SLC24A2: variants seen among roughly 807,000 people sequenced by gnomAD.
The protein encoded by SLC24A2 is sodium/potassium/calcium exchanger 2.
In SLC24A2, 36 loss-of-function variants were observed where a neutral mutation model predicts 62.0. That is an observed-to-expected ratio of 0.58 (90% confidence interval 0.44 to 0.77). The LOEUF is 0.77. Ranked by LOEUF, SLC24A2 falls within the 30% of genes least tolerant of loss-of-function variation. The pLI is 0.00. For missense variants in SLC24A2, 846 were observed against 817.9 expected, an observed-to-expected ratio of 1.03 and a Z score of -0.42; for synonymous variants, 358 against 294.0, an observed-to-expected ratio of 1.22 and a Z score of -2.23.
the SLC24A2 span, among the ~76,000 whole-genome samples, chr9:20,291,624 G>C: frequency 6.6e-6 from 1 of 152,162 alleles, no homozygotes; most frequent in Admixed American, 6.5e-5. Flanking sequence ...CCCACCACTT[G>C]TGCATTTGCT....
At chr9:20,218,317 C>G in the SLC24A2 span, among the ~76,000 whole-genome samples, 1 of 152,120 alleles carries the variant, frequency 6.6e-6, no homozygotes, top group Admixed American at 6.6e-5. Flanking sequence ...TAAAAGAACC[C>G]TTGCTATGTT....
chr9:20,205,246 T>C, the SLC24A2 span, among the ~76,000 whole-genome samples: 1 of 152,284 alleles, frequency 6.6e-6, no homozygotes, highest in African/African-American at 2.4e-5. Flanking sequence ...TGATGGGTTT[T>C]TTTTCCTGGA....
the SLC24A2 span, among the ~76,000 whole-genome samples, chr9:20,030,157 C>A: frequency 6.6e-6 from 1 of 152,128 alleles, no homozygotes; most frequent in Admixed American, 6.6e-5. Flanking sequence ...GCACTGGTTC[C>A]CCAGGACTGG....
chr9:20,166,628 G>C, the SLC24A2 span, among the ~76,000 whole-genome samples: 1 of 151,936 alleles, frequency 6.6e-6, no homozygotes, highest in Non-Finnish European at 1.5e-5. Context: ...AAGAAACACA[G>C]TAAGTTTAAG....
chr9:19,907,858 T>G, the SLC24A2 span, among the ~76,000 whole-genome samples: 1 of 152,108 alleles, frequency 6.6e-6, no homozygotes, highest in African/African-American at 2.4e-5. Flanking sequence ...GGGAAGAACA[T>G]TCCATGCTCA....
chr9:20,281,355 A>G, the SLC24A2 span, among the ~76,000 whole-genome samples: 2 of 152,254 alleles, frequency 1.3e-5, no homozygotes, highest in Non-Finnish European at 2.9e-5. Context: ...ATATTCAAAT[A>G]TGCACATATC....
At chr9:20,293,731 G>C in the SLC24A2 span, among the ~76,000 whole-genome samples, 1 of 152,146 alleles carries the variant, frequency 6.6e-6, no homozygotes, top group Non-Finnish European at 1.5e-5. Flanking sequence ...AGGTTGTCAA[G>C]AATACCATCC....
At chr9:19,581,802 T>C (rs186217926) in intron 5 of SLC24A2, among the ~76,000 whole-genome samples, 44 of 152,290 alleles carry the variant, frequency 2.9e-4, no homozygotes, top group African/African-American at 8.2e-4. Context: ...CTGTGTAACA[T>C]TGAGCCTGCC....
chr9:19,771,609 G>GCCAAAGT (rs1587301832), intron 2 of SLC24A2, among the ~76,000 whole-genome samples: 1 of 152,160 alleles, frequency 6.6e-6, no homozygotes, highest in East Asian at 1.9e-4. Flanking sequence ...ACCAGTTACT[G>GCCAAAGT]TGTAGCTGAC....
chr9:19,590,219 C>T (rs996543799), intron 5 of SLC24A2, among the ~76,000 whole-genome samples: 27 of 152,300 alleles, frequency 1.8e-4, no homozygotes, highest in South Asian at 4.2e-4. Flanking sequence ...GCTACATCCT[C>T]GTTCACTTTA....
At chr9:20,082,430 C>T in the SLC24A2 span, among the ~76,000 whole-genome samples, 2 of 152,204 alleles carry the variant, frequency 1.3e-5, no homozygotes, top group South Asian at 4.1e-4. Context: ...TGTCTATTTG[C>T]AGAGTTCTGT....
At chr9:19,874,516 G>A in the SLC24A2 span, among the ~76,000 whole-genome samples, 4 of 152,172 alleles carry the variant, frequency 2.6e-5, no homozygotes, top group Non-Finnish European at 4.4e-5. Flanking sequence ...GGCCTGTACA[G>A]GAAATTGGAA....
At chr9:19,586,990 T>C (rs2132876227) in intron 5 of SLC24A2, among the ~76,000 whole-genome samples, 1 of 152,282 alleles carries the variant, frequency 6.6e-6, no homozygotes. Flanking sequence ...AGAATCACTT[T>C]ACTAAAAAGG....
chr9:19,889,891 A>T, the SLC24A2 span, among the ~76,000 whole-genome samples: 1 of 152,248 alleles, frequency 6.6e-6, no homozygotes, highest in Non-Finnish European at 1.5e-5. Context: ...ATCTATTTAA[A>T]GCATTGTTCT....
chr9:19,703,122 G>C (rs751640981), intron 2 of SLC24A2, among the ~76,000 whole-genome samples: 2 of 151,970 alleles, frequency 1.3e-5, no homozygotes, highest in Non-Finnish European at 2.9e-5. Flanking sequence ...AGAGATACTC[G>C]CATATCTTAT....
At chr9:19,577,061 G>C in intron 5 of SLC24A2, 39 bp from the exon 6 acceptor site, 1 of 1,539,188 alleles carries the variant, frequency 6.5e-7, no homozygotes, top group Non-Finnish European at 9.0e-7. Flanking sequence ...GACACAATGA[G>C]AAAGAAGAGA....
intron 2 of SLC24A2, among the ~76,000 whole-genome samples, chr9:19,680,690 CTCAGAT>C (rs1819695787): frequency 1.3e-5 from 2 of 151,726 alleles, no homozygotes; most frequent in African/African-American, 4.8e-5. Context: ...TTTCCCATGA[CTCAGAT>C]TTACTTATTT....
the SLC24A2 span, among the ~76,000 whole-genome samples, chr9:20,169,764 A>G: frequency 6.6e-6 from 1 of 151,970 alleles, no homozygotes; most frequent in East Asian, 1.9e-4. Context: ...ATATGACAAA[A>G]CAAAGTTCTT....
the SLC24A2 span, among the ~76,000 whole-genome samples, chr9:20,247,135 C>A: frequency 0.11 from 15,994 of 152,192 alleles, 2,422 homozygotes; most frequent in African/African-American, 0.34. Context: ...ACAGGTTTCT[C>A]TATTGGAAAT....
Sources: gnomAD v4.1 joint callset for allele counts (sites outside exome capture counted in the v4.1 genomes callset) on GRCh38, gnomAD v4.1.1 for gene constraint, MANE v1.5 for transcripts, NCBI Gene and HGNC (gene_info 2026-07-23, HGNC 2026-07-21) for gene names.